Variants in FBXW2 observed in about 807,000 individuals in gnomAD.
FBXW2 encodes F-box/WD repeat-containing protein 2.
FBXW2 carries 12 observed loss-of-function variants against 46.0 expected under a neutral mutation model. The observed-to-expected ratio is 0.26, with a 90% CI of 0.17 to 0.42. The LOEUF (loss-of-function observed/expected upper bound fraction) is 0.42. Ranked by LOEUF, FBXW2 falls within the 10% of genes least tolerant of loss-of-function variation. The pLI is 1.00. For synonymous variants in FBXW2, 203 were observed against 209.6 expected, an observed-to-expected ratio of 0.97 and a Z score of 0.27; for missense variants, 360 against 537.0, an observed-to-expected ratio of 0.67 and a Z score of 3.26.
At chr9:120,773,157 A>C (rs555833198) in intron 5 of FBXW2, among the ~76,000 whole-genome samples, 3 of 151,888 alleles carry the variant, frequency 2.0e-5, no homozygotes, top group African/African-American at 7.3e-5. Context: ...ACTGCACTCC[A>C]ACCTGGGCAA....
chr9:120,787,754 T>G lies in FBXW2; in HGVS notation c.490+15A>C. 6.3e-7 allele frequency: 1 copy of G among 1,587,458 alleles called. No individual in the cohort carries two copies. The highest frequency in any genetic ancestry group is 8.5e-7 in the Non-Finnish European group (1 of 1,170,096). On this transcript the variant is annotated intron_variant, in intron 3 of 7. Coordinates refer to ENST00000608872, the MANE Select transcript of FBXW2 (RefSeq NM_012164.4). The stretch of plus-strand genomic sequence containing the variant: ...TACAAAACAAAACCCAAAAAGCAGT[T>G]TCAACATCTCTTACCTGTACAGAGA...
In FBXW2 at chr9:120,761,538, G is replaced by A. The variant is rs2044196583; in HGVS notation, c.*3021C>T. On this transcript the variant is annotated 3_prime_UTR_variant, in exon 8 of 8. Coordinates refer to ENST00000608872, the MANE Select transcript of FBXW2 (RefSeq NM_012164.4). Reference sequence around the variant, plus strand: ...GAAAGGAGAGTAAAGAATAGTTTTAGTTATCCCCTATCCACTTCTCATTCT... The same window carrying A: ...GAAAGGAGAGTAAAGAATAGTTTTAATTATCCCCTATCCACTTCTCATTCT... The A allele has an allele frequency of 6.6e-6, 1 of 152,182 alleles. No homozygotes were observed. Among genetic ancestry groups the A allele is most frequent in the South Asian group, 2.1e-4 (1 of 4,828 alleles). The allele number at this position is 152,182 out of a possible 1,614,324, so 9.4% of individuals were successfully genotyped here.
intron 5 of FBXW2, among the ~76,000 whole-genome samples, chr9:120,775,059 T>C (rs1261410823): frequency 1.3e-5 from 2 of 152,070 alleles, no homozygotes; most frequent in Non-Finnish European, 2.9e-5. Flanking sequence ...ATTACTTTCC[T>C]ATACTTTTTT....
rs2044217669 is a variant in FBXW2 at position 120,762,884 on chromosome 9, GTAA to G, written c.*1672_*1674del. ...AAATACATCCCTCCCCACCACCCTT[GTAA>G]TACAAGGGGAGACAGCTGAAGAGCG... is the stretch of plus-strand genomic sequence containing the variant. On this transcript the variant is annotated 3_prime_UTR_variant, in exon 8 of 8. Coordinates refer to ENST00000608872, the MANE Select transcript of FBXW2 (RefSeq NM_012164.4). 6.6e-6 allele frequency: 1 copy of G among 152,084 alleles called. No homozygotes were observed. The highest frequency in any genetic ancestry group is 2.4e-5 in the African/African-American group (1 of 41,392). 9.4% of individuals were successfully genotyped at this position (152,084 alleles called of 1,614,324 possible).
intron 5 of FBXW2, among the ~76,000 whole-genome samples, chr9:120,774,744 T>C (rs36104310): frequency 0.12 from 18,486 of 152,174 alleles, 1,271 homozygotes; most frequent in Middle Eastern, 0.17. Context: ...TCCTAAAACA[T>C]AGATCGCACC....
chr9:120,778,927 A>G (rs1336002549), intron 3 of FBXW2, among the ~76,000 whole-genome samples: 1 of 152,270 alleles, frequency 6.6e-6, no homozygotes, highest in Non-Finnish European at 1.5e-5. Context: ...TTACACTTGC[A>G]TGCTTGTCCA....
intron 4 of FBXW2, among the ~76,000 whole-genome samples, chr9:120,777,369 A>G (rs919078027): frequency 1.3e-5 from 2 of 152,268 alleles, no homozygotes; most frequent in Non-Finnish European, 2.9e-5. Context: ...CCTAACGGCT[A>G]GTTTTACTTC....
chr9:120,771,246 A>G (rs973600901), intron 7 of FBXW2, 102 bp downstream of exon 7: 104 of 1,090,270 alleles, frequency 9.5e-5, no homozygotes, highest in Non-Finnish European at 1.3e-4. Context: ...CATTTCCTAA[A>G]AGCCAGCTAC....
At chr9:120,772,035 G>T (rs1028415987) in intron 6 of FBXW2, among the ~76,000 whole-genome samples, 1 of 146,748 alleles carries the variant, frequency 6.8e-6, no homozygotes, top group Non-Finnish European at 1.5e-5. Context: ...CTCCAGCCTG[G>T]GTGACAGAGT....
intron 7 of FBXW2, among the ~76,000 whole-genome samples, chr9:120,768,502 G>A (rs895648324): frequency 6.6e-6 from 1 of 152,262 alleles, no homozygotes; most frequent in East Asian, 1.9e-4. Context: ...ATAAACAAAG[G>A]CAAGTGCAAA....
At position 120,760,391 on chromosome 9, in the gene FBXW2, G is replaced by A. The variant is rs1213996563; in HGVS notation, c.*4168C>T. The A allele has an allele frequency of 2.0e-5, 3 of 152,302 alleles. No individual in the cohort carries two copies. The highest frequency in any genetic ancestry group is 7.2e-5 in the African/African-American group (3 of 41,458). The allele number at this position is 152,302 out of a possible 1,614,324, so 9.4% of individuals were successfully genotyped here. The stretch of plus-strand genomic sequence containing the variant: ...CACGCCTGTAATCCCGGCACTTTGG[G>A]AGGTAGAGGCGGGCAGAACACGAGG... On this transcript the variant is annotated 3_prime_UTR_variant, in exon 8 of 8. Coordinates refer to ENST00000608872, the MANE Select transcript of FBXW2 (RefSeq NM_012164.4).
Position 120,762,268 on chromosome 9 carries a change from AGG to A in FBXW2, c.*2289_*2290del, listed in dbSNP as rs1452748041. On this transcript the variant is annotated 3_prime_UTR_variant, in exon 8 of 8. Transcript: ENST00000608872. The stretch of plus-strand genomic sequence containing the variant: ...GGCAGGAGAATCACTTGAACCCAGG[AGG>A]CGGAGGTTGCAGTGAGCCAAGATCG... 1 of 152,096 alleles carries A rather than the reference AGG, an allele frequency of 6.6e-6. No homozygotes were observed. Among genetic ancestry groups the A allele is most frequent in the East Asian group, 1.9e-4 (1 of 5,190 alleles). 9.4% of individuals were successfully genotyped at this position (152,096 alleles called of 1,614,324 possible).
intron 7 of FBXW2, among the ~76,000 whole-genome samples, chr9:120,766,370 A>G (rs948290185): frequency 2.6e-5 from 4 of 152,232 alleles, no homozygotes; most frequent in South Asian, 2.1e-4. Flanking sequence ...TTTCAGTCTC[A>G]TATCAGGAAG....
chr9:120,775,273 G>A (rs185195133), intron 5 of FBXW2, among the ~76,000 whole-genome samples: 1 of 152,166 alleles, frequency 6.6e-6, no homozygotes, highest in East Asian at 1.9e-4. Context: ...CGAACTCCTG[G>A]GCTCAGGTGA....
chr9:120,771,588 C>G (rs932411994), intron 6 of FBXW2, 71 bp from the exon 7 acceptor site: 3 of 1,382,534 alleles, frequency 2.2e-6, no homozygotes, highest in South Asian at 1.4e-5. Flanking sequence ...TTAAAATGGT[C>G]TGCATTTGTG....
In FBXW2 at chr9:120,771,390, A is replaced by C; in HGVS notation, c.1034T>G (p.Leu345Arg). 6.2e-7 allele frequency: 1 copy of C among 1,614,064 alleles called. No homozygotes were observed. ...GGCAAAGTCCCACTGGTAGAGACCA[A>C]GTGCTGAACTACAGACAATGTATTT... ...DGKYIVCSSA[L>R]GLYQWDFASY... Residue 345 changes from leucine (L) to arginine (R), a missense_variant, in exon 7 of 8, where the codon CTT becomes CGT. Leu to Arg is a moderately radical substitution (Grantham distance 102). Transcript: ENST00000608872.
At chr9:120,773,585 A>G (rs1270744283) in intron 5 of FBXW2, among the ~76,000 whole-genome samples, 1 of 152,244 alleles carries the variant, frequency 6.6e-6, no homozygotes, top group Non-Finnish European at 1.5e-5. Flanking sequence ...CACTTGAGAT[A>G]AGTATATAAA....
chr9:120,777,399 G>C (rs929149069), intron 4 of FBXW2, among the ~76,000 whole-genome samples: 1 of 152,226 alleles, frequency 6.6e-6, no homozygotes. Context: ...CTAAGCACCA[G>C]GTACAGTGCA....
intron 3 of FBXW2, among the ~76,000 whole-genome samples, chr9:120,779,221 T>C (rs2044561023): frequency 6.6e-6 from 1 of 152,206 alleles, no homozygotes; most frequent in African/African-American, 2.4e-5. Flanking sequence ...CTGATGAAAA[T>C]TCTATACTAA....
Sources: allele counts gnomAD v4.1 joint callset (sites outside exome capture counted in the v4.1 genomes callset), GRCh38; gene constraint gnomAD v4.1.1; transcripts MANE v1.5; gene names NCBI Gene and HGNC (gene_info 2026-07-23, HGNC 2026-07-21).